The following IL16 variants were observed in gnomAD, a reference collection of about 807,000 sequenced individuals.
IL16 encodes the protein interleukin 16, also known as pro-interleukin-16.
Under a neutral mutation model 110.1 loss-of-function variants are expected in IL16, and 67 were observed. That is an observed-to-expected ratio of 0.61 (90% CI 0.50 to 0.75). The LOEUF (loss-of-function observed/expected upper bound fraction) is 0.75. Among genes scored for constraint, IL16 ranks in the 30% least tolerant of loss-of-function variants. The pLI is 0.00. For synonymous variants in IL16, 689 were observed against 662.9 expected (o/e 1.04, Z -0.61); for missense variants, 1,545 against 1,655.0 (o/e 0.93, Z 1.15).
intron 2 of IL16, among the ~76,000 whole-genome samples, chr15:81,254,126 G>A (rs141535310): frequency 3.2e-4 from 48 of 152,344 alleles, no homozygotes; most frequent in Middle Eastern, 3.4e-3. Flanking sequence ...GACTGGAGCA[G>A]CTATGGCATC....
At chr15:81,282,119 C>T (rs1446886629) in intron 8 of IL16, among the ~76,000 whole-genome samples, 1 of 152,228 alleles carries the variant, frequency 6.6e-6, no homozygotes, top group Non-Finnish European at 1.5e-5. Flanking sequence ...TGCTGCTCTC[C>T]CATGCAGGCT....
Position 81,300,225 on chromosome 15 carries a change from T to C in IL16, c.2899T>C (p.Phe967Leu), listed in dbSNP as rs755765240. 1 of 1,614,106 alleles carries C rather than the reference T, an allele frequency of 6.2e-7. No individual in the cohort carries two copies. The highest frequency in any genetic ancestry group is 1.3e-5 in the African/African-American group (1 of 74,928). ...GATGCCTAGCCAGCGAGCACGGAGC[T>C]TCCCCCTGACCAGGTCCCAGTCCTG... ...LKMPSQRARS[F>L]PLTRSQSCET... is the part of the protein sequence containing the mutation. The change falls in exon 14 of 19, where the codon TTC becomes CTC. Residue 967 changes from phenylalanine (F) to leucine (L), a missense_variant. By Grantham distance (22) the Phe-to-Leu change is conservative. Around this residue, in one of 3 missense-constraint regions of IL16, gnomAD observed 1,185 missense variants for 1,238.8 expected, o/e 0.96. Transcript: ENST00000683961.
intron 1 of IL16, among the ~76,000 whole-genome samples, chr15:81,209,959 GT>G (rs1442169304): frequency 1.3e-5 from 2 of 152,190 alleles, no homozygotes; most frequent in Non-Finnish European, 2.9e-5. Context: ...GTTGACAAGG[GT>G]ACTTCTTAAG....
In IL16 at chr15:81,265,615, G is replaced by T. The variant is rs1413257897; in HGVS notation, c.422-44G>T. The T allele has an allele frequency of 1.9e-6, 3 of 1,606,206 alleles. No individual in the cohort carries two copies. The Admixed American group carries it at 5.1e-5, about 27-fold the overall frequency. ...TGTTCTTAGTTGAACTTTGCATTTT[G>T]AGAGCACAAATGATTTCTTGCTGTT... On this transcript the variant is annotated intron_variant, in intron 3 of 18. Coordinates refer to ENST00000683961, the MANE Select transcript of IL16 (RefSeq NM_172217.5).
chr15:81,232,487 C>G (rs1897042520), intron 2 of IL16, among the ~76,000 whole-genome samples: 1 of 151,958 alleles, frequency 6.6e-6, no homozygotes, highest in Non-Finnish European at 1.5e-5. Flanking sequence ...TGTAGCTACC[C>G]TTCATTAGAT....
At chr15:81,248,035 A>C (rs1170856367) in intron 2 of IL16, among the ~76,000 whole-genome samples, 1 of 152,184 alleles carries the variant, frequency 6.6e-6, no homozygotes, top group African/African-American at 2.4e-5. Flanking sequence ...AGTCGGTTAA[A>C]AATCTCATGC....
Position 81,308,757 on chromosome 15 carries a change from A to G in IL16, c.3958A>G (p.Ser1320Gly). 1 of 1,613,998 alleles carries G rather than the reference A, an allele frequency of 6.2e-7. No homozygotes were observed. The highest frequency in any genetic ancestry group is 8.5e-7 in the Non-Finnish European group (1 of 1,179,978). Reference sequence around the variant, plus strand: ...TGTCACGATTGTCATCAGGAGAAAAAGCCTCCAGTCCAAGGAAACCACAGC... The same window carrying G: ...TGTCACGATTGTCATCAGGAGAAAAGGCCTCCAGTCCAAGGAAACCACAGC... ...GPVTIVIRRKSLQSKETTAAG... is the reference protein window; with the variant it reads ...GPVTIVIRRKGLQSKETTAAG... The change falls in exon 19 of 19, where the codon AGC becomes GGC. Residue 1320 changes from serine (S) to glycine (G), a missense_variant. Physicochemically the swap from Ser to Gly is moderately conservative, Grantham distance 56. This residue lies in a region of IL16 where 356 missense variants were observed against 399.3 expected (regional missense o/e 0.89). Transcript: ENST00000683961.
At chr15:81,250,866 T>G (rs1404396505) in intron 2 of IL16, among the ~76,000 whole-genome samples, 1 of 152,184 alleles carries the variant, frequency 6.6e-6, no homozygotes, top group East Asian at 1.9e-4. Flanking sequence ...AAACTTAAAA[T>G]GAAGATATAA....
chr15:81,288,823 A>ATGTGTGTGTGTG (rs1247718442), intron 10 of IL16, among the ~76,000 whole-genome samples: 1 of 107,994 alleles, frequency 9.3e-6, no homozygotes, highest in African/African-American at 3.9e-5. Context: ...ATCTTCTAGT[A>ATGTGTGTGTGTG]TGTGTATGTG....
intron 1 of IL16, among the ~76,000 whole-genome samples, chr15:81,214,824 A>T (rs1249752697): frequency 4.0e-5 from 6 of 151,886 alleles, no homozygotes. Flanking sequence ...CATTTTTCTT[A>T]ATTCTTTTTT....
At chr15:81,235,073 CTGCCCCCA>C (rs1424769412) in intron 2 of IL16, among the ~76,000 whole-genome samples, 1 of 152,162 alleles carries the variant, frequency 6.6e-6, no homozygotes, top group Admixed American at 6.5e-5. Flanking sequence ...TCTCTAATCA[CTGCCCCCA>C]TGCCCAGTAA....
chr15:81,217,292 A>G (rs959115753), intron 1 of IL16, among the ~76,000 whole-genome samples: 3 of 152,220 alleles, frequency 2.0e-5, no homozygotes, highest in African/African-American at 7.2e-5. Context: ...GGACAACTTT[A>G]TACTAACAAA....
At position 81,188,509 on chromosome 15, in the gene IL16, G is replaced by C. The variant is rs891342060; in HGVS notation, c.40+5613G>C. 7.3e-5 allele frequency: 33 copies of C among 450,450 alleles called. 1 individual carries two copies. The East Asian group carries it at 2.2e-3, about 29-fold the overall frequency. The allele number at this position is 450,450 out of a possible 1,614,324, so 27.9% of individuals were successfully genotyped here. ...GAAGCTGATGCTCAGAAAGAGGACT[G>C]GCTTCCCTCAGGTCAGACACTAGTC... On this transcript the variant is annotated intron_variant, in intron 1 of 18. Transcript: ENST00000302987.
Position 81,303,167 on chromosome 15 carries a change from CCT to C in IL16, c.3319-381_3319-380del, listed in dbSNP as rs34627941. The C allele has an allele frequency of 1.1e-4, 19 of 178,390 alleles. No homozygotes were observed. The highest frequency in any genetic ancestry group is 2.4e-3 in the Middle Eastern group (1 of 420). 11.1% of individuals were successfully genotyped at this position (178,390 alleles called of 1,614,324 possible). ...CAATTCCTGCAGAACAGCACTGACC[CCT>C]GTTTTGTTTTTTGTTGTTTTTTTTT... On this transcript the variant is annotated intron_variant, in intron 15 of 18. Transcript: ENST00000683961. This position sits in a 1 kb window ranked among gnomAD's most constrained non-coding sequence, Gnocchi z 4.1.
intron 6 of IL16, among the ~76,000 whole-genome samples, chr15:81,274,803 A>T (rs1344235935): frequency 3.3e-5 from 5 of 152,258 alleles, no homozygotes; most frequent in Non-Finnish European, 2.9e-5. Flanking sequence ...GAAAAAGTTT[A>T]TCAACCCGAG....
At chr15:81,190,301 A>G (rs975940711) in intron 1 of IL16, among the ~76,000 whole-genome samples, 1 of 152,192 alleles carries the variant, frequency 6.6e-6, no homozygotes, top group Non-Finnish European at 1.5e-5. Flanking sequence ...CCACCCAGGC[A>G]CTGACCACTC....
intron 2 of IL16, among the ~76,000 whole-genome samples, chr15:81,233,636 T>C (rs936901201): frequency 5.3e-5 from 8 of 152,052 alleles, no homozygotes; most frequent in Non-Finnish European, 5.9e-5. Context: ...AAAATGTGTA[T>C]ATATGTCTGT....
chr15:81,296,956 T>A lies in IL16; in HGVS notation c.1931T>A (p.Leu644Gln). ...GCGAGAGAGCTGCTGCCACTGCTGC[T>A]ACCACAGGAAGACACAGCAGGGAGA... ...QEARELLPLL[L>Q]PQEDTAGRSP... Residue 644 changes from leucine to glutamine, a missense_variant, in exon 13 of 19, where the codon CTA becomes CAA. Transcript: ENST00000683961. The A allele has an allele frequency of 6.2e-7, 1 of 1,612,868 alleles. No individual in the cohort carries two copies. The highest frequency in any genetic ancestry group is 8.5e-7 in the Non-Finnish European group (1 of 1,179,444).
At position 81,281,132 on chromosome 15, in the gene IL16, T is replaced by G. The variant is rs77401703; in HGVS notation, c.1081+1358T>G. Among the ~76,000 whole-genome samples the G allele has an allele frequency of 9.1e-3, 1,382 of 152,370 alleles. 20 individuals carry two copies. The highest frequency in any genetic ancestry group is 0.012 in the Non-Finnish European group (789 of 68,026). ...CTTGCTCTAGTCAGGACACCTGGGC[T>G]GTGGGAAGGGCTCTGACTTTTACCA... is the stretch of plus-strand genomic sequence containing the variant. On this transcript the variant is annotated intron_variant, in intron 8 of 18. Transcript: ENST00000683961.
Sources: gnomAD v4.1 joint callset for allele counts (sites outside exome capture counted in the v4.1 genomes callset) on GRCh38, gnomAD v4.1.1 for gene constraint, gnomAD v4.1.1 regional missense constraint, Gnocchi (gnomAD v3.1) non-coding constraint, MANE v1.5 for transcripts, NCBI Gene and HGNC (gene_info 2026-07-23, HGNC 2026-07-21) for gene names.